The following DOCK4 variants were observed in gnomAD, a reference collection of about 807,000 sequenced individuals.
DOCK4 encodes the protein dedicator of cytokinesis protein 4.
DOCK4 carries 97 observed loss-of-function variants against 268.1 expected under a neutral mutation model. The ratio of observed to expected loss-of-function variants is 0.36; its 90% CI spans 0.31 to 0.43. The LOEUF (loss-of-function observed/expected upper bound fraction) is 0.43, where lower values mean the gene tolerates loss of function less well. Ranked by LOEUF, DOCK4 falls within the 20% of genes least tolerant of loss-of-function variation. DOCK4 has a pLI of 1.00. For missense variants in DOCK4, 2,145 were observed against 2,455.7 expected (o/e 0.87, Z 2.67); for synonymous variants, 954 against 887.2 (o/e 1.08, Z -1.34).
chr7:112,078,182 C>T (rs1808254974), intron 1 of DOCK4, among the ~76,000 whole-genome samples: 1 of 152,084 alleles, frequency 6.6e-6, no homozygotes, highest in African/African-American at 2.4e-5. Context: ...TTTTATCTCT[C>T]ATGTTTTTTT....
intron 23 of DOCK4, among the ~76,000 whole-genome samples, chr7:111,858,329 G>A (rs1037168507): frequency 6.6e-6 from 1 of 152,102 alleles, no homozygotes. Context: ...GATTTGTGAT[G>A]GTTAATTTTA....
At chr7:111,792,847 C>T (rs1178795119) in intron 30 of DOCK4, among the ~76,000 whole-genome samples, 2 of 152,124 alleles carry the variant, frequency 1.3e-5, no homozygotes, top group Non-Finnish European at 2.9e-5. Flanking sequence ...GGTGGGCCCC[C>T]ATCTCTGGAT....
At chr7:112,116,509 T>C (rs1401046958) in intron 1 of DOCK4, among the ~76,000 whole-genome samples, 1 of 152,142 alleles carries the variant, frequency 6.6e-6, no homozygotes, top group African/African-American at 2.4e-5. Flanking sequence ...TGCCCCATTT[T>C]CCGCCACAAA....
intron 30 of DOCK4, among the ~76,000 whole-genome samples, chr7:111,796,731 C>A (rs149141758): frequency 2.6e-5 from 4 of 152,136 alleles, no homozygotes; most frequent in Admixed American, 6.5e-5. Context: ...AGAAGCCTTG[C>A]CCAAAGGCAA....
At chr7:111,950,485 C>T (rs933550326) in intron 8 of DOCK4, among the ~76,000 whole-genome samples, 1 of 152,180 alleles carries the variant, frequency 6.6e-6, no homozygotes, top group Non-Finnish European at 1.5e-5. Flanking sequence ...TTTCCTATTA[C>T]ATGGTGAGCA....
chr7:111,993,717 A>G (rs150089285), intron 5 of DOCK4, among the ~76,000 whole-genome samples: 271 of 152,284 alleles, frequency 1.8e-3, no homozygotes, highest in Admixed American at 4.7e-3. Context: ...TCTCTAGTAT[A>G]TTTAGAATAT....
intron 11 of DOCK4, among the ~76,000 whole-genome samples, chr7:111,938,973 CA>C (rs557205821): frequency 4.8e-3 from 257 of 53,654 alleles, no homozygotes; most frequent in Middle Eastern, 0.019. Flanking sequence ...GACTCTGTCT[CA>C]AAAAAAAAAA....
chr7:112,010,803 T>C (rs753095577), intron 1 of DOCK4, among the ~76,000 whole-genome samples: 1 of 152,220 alleles, frequency 6.6e-6, no homozygotes, highest in African/African-American at 2.4e-5. Flanking sequence ...GCATATTGAA[T>C]GAAAGGTACG....
intron 23 of DOCK4, 28 bp from the exon 24 acceptor site, chr7:111,847,154 C>A (rs1804171638): frequency 3.1e-6 from 5 of 1,612,628 alleles, no homozygotes; most frequent in Non-Finnish European, 4.2e-6. Flanking sequence ...ATTAGTGTCA[C>A]ATCTGTTGGA....
Position 111,935,596 on chromosome 7 carries a change from T to C in DOCK4, c.1010A>G (p.His337Arg). The C allele has an allele frequency of 1.9e-6, 3 of 1,613,970 alleles. No homozygotes were observed. The highest frequency in any genetic ancestry group is 2.5e-6 in the Non-Finnish European group (3 of 1,179,864). ...CNTESEWYQI[H>R]ENIIKKLNAR... The stretch of plus-strand genomic sequence containing the variant: ...ATTCAGCTTTTTGATGATGTTCTCA[T>C]GGATTTGGTACCACTCACTCTCTGT... The change falls in exon 12 of 53, where the codon CAT (histidine) becomes CGT (arginine). Residue 337 changes from histidine to arginine, a missense_variant. Coordinates refer to ENST00000428084, the MANE Select transcript of DOCK4 (RefSeq NM_001363540.2).
chr7:111,939,514 CAAA>C (rs55951068), intron 11 of DOCK4, among the ~76,000 whole-genome samples: 2 of 80,662 alleles, frequency 2.5e-5, no homozygotes, highest in Admixed American at 1.4e-4. Flanking sequence ...GACTCCTTCT[CAAA>C]AAAAAAAAAA....
chr7:112,052,826 CA>C (rs1415605643), intron 1 of DOCK4, among the ~76,000 whole-genome samples: 1 of 152,110 alleles, frequency 6.6e-6, no homozygotes, highest in Non-Finnish European at 1.5e-5. Flanking sequence ...CTCCTCTCAA[CA>C]TTCTTATTTT....
intron 12 of DOCK4, among the ~76,000 whole-genome samples, chr7:111,922,137 G>A (rs950007313): frequency 3.9e-5 from 6 of 152,140 alleles, no homozygotes; most frequent in African/African-American, 9.7e-5. Context: ...GTAAGTCAAC[G>A]CTCTGAACAA....
At chr7:112,002,687 A>G (rs2135307383) in intron 2 of DOCK4, among the ~76,000 whole-genome samples, 1 of 152,328 alleles carries the variant, frequency 6.6e-6, no homozygotes, top group South Asian at 2.1e-4. Context: ...GAAAACCTTA[A>G]AAGAGGAAAA....
intron 1 of DOCK4, among the ~76,000 whole-genome samples, chr7:112,175,639 G>A (rs1276640028): frequency 3.3e-5 from 5 of 151,638 alleles, no homozygotes; most frequent in Non-Finnish European, 5.9e-5. Flanking sequence ...GTTATTTGTT[G>A]TATACAATTG....
At chr7:111,888,811 T>C (rs1023191034) in intron 16 of DOCK4, among the ~76,000 whole-genome samples, 1 of 151,966 alleles carries the variant, frequency 6.6e-6, no homozygotes, top group East Asian at 1.9e-4. Context: ...CAGCGCTGTA[T>C]GGAATGAGCC....
At chr7:111,890,056 T>A (rs1808165449) in intron 16 of DOCK4, among the ~76,000 whole-genome samples, 1 of 152,180 alleles carries the variant, frequency 6.6e-6, no homozygotes, top group South Asian at 2.1e-4. Context: ...TTCCAGTGAC[T>A]AAAACTCCTC....
intron 12 of DOCK4, among the ~76,000 whole-genome samples, chr7:111,922,957 T>C (rs1253270465): frequency 6.6e-6 from 1 of 152,194 alleles, no homozygotes; most frequent in Non-Finnish European, 1.5e-5. Context: ...TCTCCAAGTC[T>C]TCATCTGAAA....
At chr7:111,750,140 T>A (rs1017970671) in intron 42 of DOCK4, among the ~76,000 whole-genome samples, 3 of 152,178 alleles carry the variant, frequency 2.0e-5, no homozygotes, top group African/African-American at 7.2e-5. Context: ...GATGTTCAAG[T>A]GATCCTAGAC....
Sources: gnomAD v4.1 joint callset for allele counts (sites outside exome capture counted in the v4.1 genomes callset) on GRCh38, gnomAD v4.1.1 for gene constraint, MANE v1.5 for transcripts, NCBI Gene and HGNC (gene_info 2026-07-23, HGNC 2026-07-21) for gene names.